PTPRD: variants seen among roughly 807,000 people sequenced by gnomAD.
PTPRD encodes the protein receptor-type tyrosine-protein phosphatase delta.
In PTPRD, 34 loss-of-function variants were observed where a neutral mutation model predicts 214.5. The ratio of observed to expected loss-of-function variants is 0.16; its 90% CI spans 0.12 to 0.21. The LOEUF is 0.21. Ranked by LOEUF, PTPRD falls within the 10% of genes least tolerant of loss-of-function variation. PTPRD has a pLI of 1.00. For synonymous variants in PTPRD, 1,128 were observed against 845.7 expected (o/e 1.33, Z -5.79); for missense variants, 2,545 against 2,398.7 (o/e 1.06, Z -1.27).
intron 11 of PTPRD, among the ~76,000 whole-genome samples, chr9:8,759,310 C>G (rs535776882): frequency 1.9e-3 from 287 of 152,148 alleles, no homozygotes; most frequent in Non-Finnish European, 3.4e-3. Context: ...CCTTGGCTTC[C>G]CAAAGTGCTC....
At chr9:9,128,852 T>C (rs2099838192) in intron 10 of PTPRD, among the ~76,000 whole-genome samples, 1 of 152,234 alleles carries the variant, frequency 6.6e-6, no homozygotes, top group Non-Finnish European at 1.5e-5. Context: ...TATTTTTCAC[T>C]GTGGTCTGAG....
intron 11 of PTPRD, among the ~76,000 whole-genome samples, chr9:9,012,782 G>A (rs1164325588): frequency 1.3e-5 from 2 of 152,140 alleles, no homozygotes; most frequent in Non-Finnish European, 2.9e-5. Context: ...ATATGAGGGT[G>A]TATATTCTTG....
At chr9:9,877,428 G>C (rs1014228842) in intron 5 of PTPRD, among the ~76,000 whole-genome samples, 1 of 151,884 alleles carries the variant, frequency 6.6e-6, no homozygotes, top group African/African-American at 2.4e-5. Context: ...ACTTTAATTT[G>C]TGATATGGAT....
intron 3 of PTPRD, among the ~76,000 whole-genome samples, chr9:10,158,003 T>TTTTG (rs71485324): frequency 0.17 from 26,004 of 151,002 alleles, 2,477 homozygotes; most frequent in African/African-American, 0.26. Context: ...GTTTATGGTT[T>TTTTG]TTTGTTTGTT....
At chr9:9,961,266 A>G (rs973838615) in intron 4 of PTPRD, among the ~76,000 whole-genome samples, 14 of 152,200 alleles carry the variant, frequency 9.2e-5, no homozygotes, top group African/African-American at 3.4e-4. Context: ...AAAACCTGGA[A>G]TTGGAATTTT....
intron 6 of PTPRD, among the ~76,000 whole-genome samples, chr9:9,761,598 A>C (rs543032094): frequency 3.3e-5 from 5 of 152,172 alleles, no homozygotes; most frequent in African/African-American, 4.8e-5. Flanking sequence ...CTCAATTTCA[A>C]TATGCTGGTT....
chr9:8,698,205 T>C (rs1405450467), intron 12 of PTPRD, among the ~76,000 whole-genome samples: 1 of 152,264 alleles, frequency 6.6e-6, no homozygotes, highest in African/African-American at 2.4e-5. Flanking sequence ...GCATACTGAA[T>C]GCATACTTAT....
chr9:9,186,866 T>A (rs981644128), intron 9 of PTPRD, among the ~76,000 whole-genome samples: 1 of 152,008 alleles, frequency 6.6e-6, no homozygotes, highest in Non-Finnish European at 1.5e-5. Context: ...ATTATCTAGA[T>A]GATGTTTATA....
At chr9:9,453,228 A>G (rs1233277704) in intron 8 of PTPRD, among the ~76,000 whole-genome samples, 1 of 151,536 alleles carries the variant, frequency 6.6e-6, no homozygotes, top group African/African-American at 2.4e-5. Context: ...ACATCTTTAC[A>G]AGCCATCTAT....
intron 10 of PTPRD, among the ~76,000 whole-genome samples, chr9:9,116,689 G>C (rs1013934467): frequency 1.3e-5 from 2 of 151,602 alleles, no homozygotes; most frequent in East Asian, 1.9e-4. Flanking sequence ...TTTTTCTTGG[G>C]GGGGAAGGGA....
chr9:10,314,510 T>A (rs1391923700), intron 3 of PTPRD, among the ~76,000 whole-genome samples: 1 of 151,904 alleles, frequency 6.6e-6, no homozygotes, highest in Non-Finnish European at 1.5e-5. Context: ...AAAATTTGAG[T>A]TTATGTTGGC....
At chr9:10,389,061 G>C (rs890175313) in intron 2 of PTPRD, among the ~76,000 whole-genome samples, 12 of 151,848 alleles carry the variant, frequency 7.9e-5, no homozygotes. Context: ...GTTTATGTCA[G>C]AGAAATGGAA....
intron 3 of PTPRD, among the ~76,000 whole-genome samples, chr9:10,204,813 G>T (rs1200773419): frequency 2.0e-5 from 3 of 152,110 alleles, no homozygotes; most frequent in African/African-American, 7.2e-5. Flanking sequence ...GCAATCTCTA[G>T]TTGTCAAATC....
At chr9:8,586,937 G>C (rs2093703109) in intron 14 of PTPRD, among the ~76,000 whole-genome samples, 1 of 152,152 alleles carries the variant, frequency 6.6e-6, no homozygotes, top group African/African-American at 2.4e-5. Context: ...CATGAGGTCG[G>C]AAGATTGAGA....
intron 11 of PTPRD, among the ~76,000 whole-genome samples, chr9:8,835,890 A>G (rs908204906): frequency 6.6e-6 from 1 of 152,084 alleles, no homozygotes; most frequent in Non-Finnish European, 1.5e-5. Flanking sequence ...ATATTATTAT[A>G]TATCTCTTTA....
chr9:8,551,236 CAT>C (rs2082021486), intron 14 of PTPRD, among the ~76,000 whole-genome samples: 1 of 152,174 alleles, frequency 6.6e-6, no homozygotes, highest in Non-Finnish European at 1.5e-5. Context: ...ATAGCACAAA[CAT>C]ATTTTGTAAT....
At chr9:9,393,398 T>C (rs187159222) in intron 9 of PTPRD, among the ~76,000 whole-genome samples, 72 of 152,220 alleles carry the variant, frequency 4.7e-4, no homozygotes, top group Non-Finnish European at 9.3e-4. Flanking sequence ...ACCATGCTAG[T>C]CTGCTATATG....
chr9:9,503,951 T>C (rs1202819569), intron 8 of PTPRD, among the ~76,000 whole-genome samples: 3 of 151,792 alleles, frequency 2.0e-5, no homozygotes, highest in African/African-American at 7.2e-5. Context: ...TTGTTATCCA[T>C]TATTTTATCC....
chr9:9,705,270 G>A (rs1314186015), intron 7 of PTPRD, among the ~76,000 whole-genome samples: 1 of 152,058 alleles, frequency 6.6e-6, no homozygotes, highest in African/African-American at 2.4e-5. Flanking sequence ...AATGAATTAG[G>A]ATTTTAGCAG....
Sources: gnomAD v4.1 joint callset for allele counts (sites outside exome capture counted in the v4.1 genomes callset) on GRCh38, gnomAD v4.1.1 for gene constraint, MANE v1.5 for transcripts, NCBI Gene and HGNC (gene_info 2026-07-23, HGNC 2026-07-21) for gene names.